The following PCNX1 variants were observed in gnomAD, a reference collection of about 807,000 sequenced individuals.
The protein encoded by PCNX1 is pecanex-like protein 1.
In PCNX1, 78 loss-of-function variants were observed where a neutral mutation model predicts 242.2. The ratio of observed to expected loss-of-function variants is 0.32; its 90% CI spans 0.27 to 0.39. PCNX1 has a LOEUF of 0.39. Ranked by LOEUF, PCNX1 falls within the 10% of genes least tolerant of loss-of-function variation. The pLI is 1.00. For synonymous variants in PCNX1, 1,024 were observed against 1,032.9 expected (o/e 0.99, Z 0.17); for missense variants, 2,581 against 2,856.5 (o/e 0.90, Z 2.20).
Position 71,050,702 on chromosome 14 carries a change from A to G in PCNX1, c.4389A>G (p.Pro1463=), listed in dbSNP as rs915464730. The G allele has an allele frequency of 3.7e-6, 6 of 1,613,132 alleles. No individual in the cohort carries two copies. The highest frequency in any genetic ancestry group is 5.1e-6 in the Non-Finnish European group (6 of 1,179,646). ...AGTTTGTGTATACCTATATTGCCCC[A>G]TGGCAGATCACATGGGGTTCTGCTT... ...KLQFVYTYIA[P]WQITWGSAFH... is the part of the protein sequence containing the mutation. Residue 1463 remains proline, a synonymous_variant, in exon 23 of 36, where the codon CCA becomes CCG. Coordinates refer to ENST00000304743, the MANE Select transcript of PCNX1 (RefSeq NM_014982.3).
rs1481611006 is a variant in PCNX1 at position 71,111,841 on chromosome 14, C to T, written c.*1906C>T. The stretch of plus-strand genomic sequence containing the variant: ...AATACTTGTCAAATGATTTACTGAA[C>T]CTTTATACAAAAGTACCCTTTCTAA... On this transcript the variant is annotated 3_prime_UTR_variant, in exon 36 of 36. Transcript: ENST00000304743. 6 of 152,220 alleles carry T rather than the reference C, an allele frequency of 3.9e-5. No individual in the cohort carries two copies. The highest frequency in any genetic ancestry group is 1.4e-4 in the African/African-American group (6 of 41,418). The allele number at this position is 152,220 out of a possible 1,614,324, so 9.4% of individuals were successfully genotyped here.
chr14:70,948,932 C>T (rs540220626), intron 2 of PCNX1, among the ~76,000 whole-genome samples: 10 of 142,678 alleles, frequency 7.0e-5, no homozygotes, highest in Non-Finnish European at 1.2e-4. Flanking sequence ...TATATATGTA[C>T]ATATATGTAC....
chr14:70,949,269 GCA>G (rs761727017), intron 2 of PCNX1, among the ~76,000 whole-genome samples: 2,515 of 27,838 alleles, frequency 0.09, 58 homozygotes, highest in African/African-American at 0.17. Flanking sequence ...ACACGTGTAT[GCA>G]CACACGTGTA....
chr14:71,041,231 A>G (rs1246497543), intron 19 of PCNX1, among the ~76,000 whole-genome samples: 1 of 152,138 alleles, frequency 6.6e-6, no homozygotes, highest in Non-Finnish European at 1.5e-5. Context: ...CTCTATTTTT[A>G]GTTTTCTCAG....
chr14:71,056,827 C>T (rs1269664346), intron 25 of PCNX1, among the ~76,000 whole-genome samples: 2 of 151,938 alleles, frequency 1.3e-5, no homozygotes, highest in Non-Finnish European at 2.9e-5. Flanking sequence ...TACAGGCGTG[C>T]ACCATGATGC....
At position 71,109,050 on chromosome 14, in the gene PCNX1, A is replaced by C; in HGVS notation, c.6744+4A>C. 1 of 1,603,266 alleles carries C rather than the reference A, an allele frequency of 6.2e-7. No individual in the cohort carries two copies. Among genetic ancestry groups the C allele is most frequent in the South Asian group, 1.1e-5 (1 of 89,600 alleles). On this transcript the variant is annotated splice_donor_region_variant and intron_variant, in intron 34 of 35. Transcript: ENST00000304743. Reference sequence around the variant, plus strand: ...AGAAGTGATTTACAGAGTCCAAGTAAGTAAGCCCAGAGGTGGTCTTGTGCT... The same window carrying C: ...AGAAGTGATTTACAGAGTCCAAGTACGTAAGCCCAGAGGTGGTCTTGTGCT...
chr14:70,951,424 G>A (rs996960913), intron 2 of PCNX1, among the ~76,000 whole-genome samples: 12 of 151,992 alleles, frequency 7.9e-5, no homozygotes, highest in Admixed American at 6.6e-4. Flanking sequence ...TTGCCCAGAC[G>A]AGTGCAGTGG....
At chr14:71,097,352 A>ATGG (rs2062318593) in intron 30 of PCNX1, among the ~76,000 whole-genome samples, 1 of 152,196 alleles carries the variant, frequency 6.6e-6, no homozygotes, top group African/African-American at 2.4e-5. Flanking sequence ...GGTAGGTCAA[A>ATGG]TGGTAGTTCT....
rs1370303576 is a variant in PCNX1 at position 71,075,853 on chromosome 14, T to C, written c.5107-336T>C. On this transcript the variant is annotated intron_variant, in intron 27 of 35. Transcript: ENST00000304743. ...GTGAGCCGAGATTATGCCATCGCAC[T>C]CTAGCATGGGCGACAGAGTAAGACT... is the stretch of plus-strand genomic sequence containing the variant. 3.9e-5 allele frequency among the ~76,000 whole-genome samples: 6 copies of C among 152,094 alleles called. No individual in the cohort carries two copies. The East Asian group carries it at 1.2e-3, about 29-fold the overall frequency.
In PCNX1 at chr14:70,999,504, G is replaced by A. The variant is rs941940015; in HGVS notation, c.2629+3579G>A. ...TTATCAAGACGTAATTACAAAGCAT[G>A]TATATATCATGAGTAGTATTTCTCT... is the stretch of plus-strand genomic sequence containing the variant. On this transcript the variant is annotated intron_variant, in intron 8 of 35. Coordinates refer to ENST00000304743, the MANE Select transcript of PCNX1 (RefSeq NM_014982.3). 1.1e-4 allele frequency among the ~76,000 whole-genome samples: 16 copies of A among 152,292 alleles called. No individual in the cohort carries two copies. In the South Asian group the frequency reaches 1.2e-3, roughly 12 times the overall value.
intron 1 of PCNX1, among the ~76,000 whole-genome samples, chr14:70,910,586 G>T (rs74061475): frequency 0.031 from 4,730 of 152,228 alleles, 216 homozygotes; most frequent in African/African-American, 0.11. Context: ...TCATATACGT[G>T]AGGCTTTCTC....
chr14:71,074,270 A>G (rs928912454), intron 27 of PCNX1, among the ~76,000 whole-genome samples: 1 of 152,166 alleles, frequency 6.6e-6, no homozygotes, highest in African/African-American at 2.4e-5. Context: ...CTTTCATTCA[A>G]CAAACTGAAT....
intron 9 of PCNX1, among the ~76,000 whole-genome samples, chr14:71,010,194 A>G (rs918509224): frequency 1.3e-5 from 2 of 152,138 alleles, no homozygotes; most frequent in Non-Finnish European, 2.9e-5. Flanking sequence ...TAAAAACTAA[A>G]TCAAGATATC....
intron 1 of PCNX1, 65 bp downstream of exon 1, chr14:70,908,068 G>C: frequency 6.9e-7 from 1 of 1,449,388 alleles, no homozygotes; most frequent in Non-Finnish European, 9.2e-7. Flanking sequence ...TGCTGGGGTC[G>C]CGCCCTCTTC....
rs11453401 is a variant in PCNX1, at chr14:70,965,662, CA to C, written c.469-2516del. Among the ~76,000 whole-genome samples, 291 of 91,098 alleles carry C rather than the reference CA, an allele frequency of 3.2e-3. 2 individuals are homozygous for C. Among genetic ancestry groups the C allele is most frequent in the African/African-American group, 9.1e-3 (204 of 22,462 alleles). The allele number at this position is 91,098 out of a possible 152,430, so 59.8% of individuals were successfully genotyped here. On this transcript the variant is annotated intron_variant, in intron 3 of 35. Coordinates refer to ENST00000304743, the MANE Select transcript of PCNX1 (RefSeq NM_014982.3). ...TGGGCAACAGAGTGAGACTCCGTCT[CA>C]AAAAAAAAAAAAAAAAAAAGATAAC... is the stretch of plus-strand genomic sequence containing the variant.
At chr14:70,944,897 G>A (rs150851329) in intron 1 of PCNX1, among the ~76,000 whole-genome samples, 26 of 152,268 alleles carry the variant, frequency 1.7e-4, no homozygotes, top group African/African-American at 5.3e-4. Flanking sequence ...CCTGTGAAGC[G>A]GTGCCTTCTG....
intron 31 of PCNX1, among the ~76,000 whole-genome samples, chr14:71,102,794 T>C (rs987111193): frequency 1.3e-5 from 2 of 152,184 alleles, no homozygotes; most frequent in African/African-American, 4.8e-5. Context: ...ATATATTTTA[T>C]ATATGCAATT....
At chr14:70,983,566 G>A (rs1486884838) in intron 6 of PCNX1, among the ~76,000 whole-genome samples, 1 of 152,120 alleles carries the variant, frequency 6.6e-6, no homozygotes, top group African/African-American at 2.4e-5. Context: ...GCCTCCCAAA[G>A]TGCTGGGATT....
At chr14:70,957,774 A>C (rs1413444521) in intron 2 of PCNX1, among the ~76,000 whole-genome samples, 1 of 152,092 alleles carries the variant, frequency 6.6e-6, no homozygotes, top group Non-Finnish European at 1.5e-5. Context: ...CGATATGTGA[A>C]TCATATTTCA....
Sources: gnomAD v4.1 joint callset for allele counts (sites outside exome capture counted in the v4.1 genomes callset) on GRCh38, gnomAD v4.1.1 for gene constraint, MANE v1.5 for transcripts, NCBI Gene and HGNC (gene_info 2026-07-23, HGNC 2026-07-21) for gene names.